PPP3CC: variants seen among roughly 807,000 people sequenced by gnomAD.
The protein encoded by PPP3CC is serine/threonine-protein phosphatase 2B catalytic subunit gamma isoform.
A neutral mutation model predicts 60.3 loss-of-function variants in PPP3CC; 35 were observed. The observed-to-expected ratio is 0.58, with a 90% CI of 0.44 to 0.77. The LOEUF (loss-of-function observed/expected upper bound fraction) is 0.77. Ranked by LOEUF, PPP3CC falls within the 30% of genes least tolerant of loss-of-function variation. The pLI, the probability that PPP3CC is intolerant of heterozygous loss-of-function variation, is 0.00. For synonymous variants in PPP3CC, 206 were observed against 224.3 expected, an observed-to-expected ratio of 0.92 and a Z score of 0.73; for missense variants, 570 against 628.9, an observed-to-expected ratio of 0.91 and a Z score of 1.00.
chr8:22,484,330 T>C (rs1297802645), intron 3 of PPP3CC, among the ~76,000 whole-genome samples: 1 of 151,986 alleles, frequency 6.6e-6, no homozygotes, highest in African/African-American at 2.4e-5. Flanking sequence ...AGACACAGCA[T>C]ACAACATAGT....
At chr8:22,446,059 T>G (rs957499680) in intron 1 of PPP3CC, among the ~76,000 whole-genome samples, 19 of 152,362 alleles carry the variant, frequency 1.2e-4, no homozygotes, top group African/African-American at 4.6e-4. Context: ...TCTCTTTTAT[T>G]GCATTTTAAA....
rs1251955049 is a variant in PPP3CC at position 22,527,481 on chromosome 8, G to A, written c.1033G>A (p.Val345Ile). 1.2e-6 allele frequency: 2 copies of A among 1,614,064 alleles called. No individual in the cohort carries two copies. Among genetic ancestry groups the A allele is most frequent in the East Asian group, 4.5e-5 (2 of 44,870 alleles). The change falls in exon 9 of 14, where the codon GTT (valine) becomes ATT (isoleucine). Residue 345 changes from valine to isoleucine, a missense_variant. By Grantham distance (29) the Val-to-Ile change is conservative. Coordinates refer to ENST00000240139, the MANE Select transcript of PPP3CC (RefSeq NM_005605.5). ...CTACTGGCTTCCAAACTTTATGGATGTTTTCACATGGTCTTTGCCTTTTGT... is the reference window on the plus strand; with the variant it reads ...CTACTGGCTTCCAAACTTTATGGATATTTTCACATGGTCTTTGCCTTTTGT... ...HPYWLPNFMD[V>I]FTWSLPFVGE...
At chr8:22,502,380 A>G (rs1838787097) in intron 4 of PPP3CC, among the ~76,000 whole-genome samples, 1 of 152,232 alleles carries the variant, frequency 6.6e-6, no homozygotes, top group Non-Finnish European at 1.5e-5. Context: ...ATGGAATGCT[A>G]GGCAGCTATT....
intron 3 of PPP3CC, among the ~76,000 whole-genome samples, chr8:22,482,160 A>G (rs1208686318): frequency 6.6e-6 from 1 of 152,190 alleles, no homozygotes; most frequent in Non-Finnish European, 1.5e-5. Context: ...ACAGTGTAAA[A>G]GCATTCCTAT....
chr8:22,516,217 G>A (rs1466374050), intron 6 of PPP3CC, among the ~76,000 whole-genome samples: 1 of 152,190 alleles, frequency 6.6e-6, no homozygotes, highest in Non-Finnish European at 1.5e-5. Flanking sequence ...TGGGATTACA[G>A]GGATGAGCCC....
At position 22,474,884 on chromosome 8, in the gene PPP3CC, A is replaced by G. The variant is rs1260523357; in HGVS notation, c.50-70A>G. On this transcript the variant is annotated intron_variant, in intron 1 of 13. Transcript: ENST00000240139. ...ATTTATTAGGTTTAATTTGTCATGT[A>G]AAAGAATTGTGTTCTGTTTGTTCTC... 12 of 1,069,650 alleles carry G rather than the reference A, an allele frequency of 1.1e-5. No homozygotes were observed. In the African/African-American group the frequency reaches 1.3e-4, roughly 12 times the overall value. 66.3% of individuals were successfully genotyped at this position (1,069,650 alleles called of 1,614,324 possible).
At chr8:22,466,166 C>T (rs970212825) in intron 1 of PPP3CC, among the ~76,000 whole-genome samples, 53 of 122,686 alleles carry the variant, frequency 4.3e-4, no homozygotes, top group Non-Finnish European at 5.7e-4. Flanking sequence ...AGGACATGAA[C>T]TCATCCTTTT....
At chr8:22,486,034 T>C (rs1298637399) in intron 3 of PPP3CC, among the ~76,000 whole-genome samples, 1 of 152,186 alleles carries the variant, frequency 6.6e-6, no homozygotes, top group Non-Finnish European at 1.5e-5. Flanking sequence ...GTCAATGTTA[T>C]ATGTCCTGAG....
At chr8:22,450,842 T>C (rs1475983989) in intron 1 of PPP3CC, among the ~76,000 whole-genome samples, 1 of 142,526 alleles carries the variant, frequency 7.0e-6, no homozygotes, top group African/African-American at 2.7e-5. Flanking sequence ...TTTATTTATT[T>C]ATTTATTTAT....
At chr8:22,520,089 T>G (rs1839364651) in intron 6 of PPP3CC, among the ~76,000 whole-genome samples, 1 of 134,068 alleles carries the variant, frequency 7.5e-6, no homozygotes. Context: ...TTTTGATGAG[T>G]AAAGTATTCC....
At chr8:22,481,887 G>A (rs1466058662) in intron 3 of PPP3CC, among the ~76,000 whole-genome samples, 1 of 152,026 alleles carries the variant, frequency 6.6e-6, no homozygotes, top group Non-Finnish European at 1.5e-5. Flanking sequence ...TGGCTCCATA[G>A]TATTCCATGG....
Position 22,463,872 on chromosome 8 carries a change from C to T in PPP3CC, c.50-11082C>T, listed in dbSNP as rs113566981. The stretch of plus-strand genomic sequence containing the variant: ...CATGATCTCGGCTCACTGCAACCTC[C>T]GCCTCCTGGATTCAAGCAATTCTCC... On this transcript the variant is annotated intron_variant, in intron 1 of 13. Coordinates refer to ENST00000240139, the MANE Select transcript of PPP3CC (RefSeq NM_005605.5). Among the ~76,000 whole-genome samples, 5 of 151,784 alleles carry T rather than the reference C, an allele frequency of 3.3e-5. 1 individual carries two copies. The highest frequency in any genetic ancestry group is 9.7e-5 in the African/African-American group (4 of 41,374).
Position 22,444,405 on chromosome 8 carries a change from G to A in PPP3CC, c.49+2947G>A, listed in dbSNP as rs191788183. On this transcript the variant is annotated intron_variant, in intron 1 of 13. Coordinates refer to ENST00000240139, the MANE Select transcript of PPP3CC (RefSeq NM_005605.5). ...CATGATAATAGGTTGGTAATAGATC[G>A]CTTACTACAGAAGTAGTTAGTAGAG... is the stretch of plus-strand genomic sequence containing the variant. Among the ~76,000 whole-genome samples the A allele has an allele frequency of 2.4e-4, 37 of 152,284 alleles. No individual in the cohort carries two copies. In the East Asian group the frequency reaches 5.6e-3, roughly 23 times the overall value.
intron 3 of PPP3CC, among the ~76,000 whole-genome samples, chr8:22,496,955 C>A (rs1838606850): frequency 6.6e-6 from 1 of 151,998 alleles, no homozygotes; most frequent in Non-Finnish European, 1.5e-5. Flanking sequence ...TGTCTTTAGG[C>A]CTCTTTGTTG....
chr8:22,475,031 A>G lies in PPP3CC; in HGVS notation c.127A>G (p.Lys43Glu). Residue 43 changes from lysine (K) to glutamate (E), a missense_variant, in exon 2 of 14, where the codon AAA (lysine) becomes GAA (glutamate). Lys to Glu is a moderately conservative substitution (Grantham distance 56, BLOSUM62 1). Transcript: ENST00000240139. ...ENGKPKVDVL[K>E]NHLVKEGRLE... ...TGGGAAACCTAAAGTTGATGTTTTA[A>G]AAAACCATTTGGTAAAGGAAGGACG... 2 of 1,613,190 alleles carry G rather than the reference A, an allele frequency of 1.2e-6. No individual in the cohort carries two copies. The highest frequency in any genetic ancestry group is 1.7e-6 in the Non-Finnish European group (2 of 1,179,370).
chr8:22,461,910 AG>A (rs1384738723), intron 1 of PPP3CC, among the ~76,000 whole-genome samples: 4 of 152,170 alleles, frequency 2.6e-5, no homozygotes, highest in Non-Finnish European at 1.5e-5. Flanking sequence ...TTGTGGTACT[AG>A]AACATACGGG....
intron 4 of PPP3CC, among the ~76,000 whole-genome samples, chr8:22,504,134 G>A (rs1478199561): frequency 6.6e-6 from 1 of 151,946 alleles, no homozygotes; most frequent in Non-Finnish European, 1.5e-5. Flanking sequence ...TTTCTTTATG[G>A]AAAAGTAATA....
At position 22,502,593 on chromosome 8, in the gene PPP3CC, C is replaced by T. The variant is rs78306504; in HGVS notation, c.484+4481C>T. 2.6e-4 allele frequency among the ~76,000 whole-genome samples: 39 copies of T among 152,114 alleles called. No homozygotes were observed. The East Asian group carries it at 7.5e-3, about 29-fold the overall frequency. On this transcript the variant is annotated intron_variant, in intron 4 of 13. Coordinates refer to ENST00000240139, the MANE Select transcript of PPP3CC (RefSeq NM_005605.5). ...GTTGCAGCTACTTGGGAGGCTGAGG[C>T]AGGAGGATTGCATGAGCCCAGGAAT...
At position 22,497,215 on chromosome 8, in the gene PPP3CC, C is replaced by T. The variant is rs1009217191; in HGVS notation, c.373-786C>T. On this transcript the variant is annotated intron_variant, in intron 3 of 13. Transcript: ENST00000240139. ...CAGCTAATTTTGTATTTTTAGTAGA[C>T]GCGGGGTTTCTCCATTTTGGTCAGG... 8.6e-5 allele frequency among the ~76,000 whole-genome samples: 13 copies of T among 151,896 alleles called. No individual in the cohort carries two copies. In the South Asian group the frequency reaches 1.7e-3, roughly 19 times the overall value.
Sources: allele counts gnomAD v4.1 joint callset (sites outside exome capture counted in the v4.1 genomes callset), GRCh38; gene constraint gnomAD v4.1.1; transcripts MANE v1.5; gene names NCBI Gene and HGNC (gene_info 2026-07-23, HGNC 2026-07-21).